FAM135A: variants seen among roughly 807,000 people sequenced by gnomAD.
FAM135A encodes family with sequence similarity 135 member A, also known as protein FAM135A.
A neutral mutation model predicts 146.8 loss-of-function variants in FAM135A; 79 were observed. The ratio of observed to expected loss-of-function variants is 0.54; its 90% CI spans 0.45 to 0.65. FAM135A has a LOEUF of 0.65. Ranked by LOEUF, FAM135A falls within the 30% of genes least tolerant of loss-of-function variation. The probability of loss-of-function intolerance (pLI) is 0.00; values close to 1 mark genes in which losing one functional copy is unlikely to be tolerated. For missense variants in FAM135A, 1,623 were observed against 1,758.2 expected (o/e 0.92, Z 1.38); for synonymous variants, 562 against 603.6 (o/e 0.93, Z 1.01).
intron 20 of FAM135A, among the ~76,000 whole-genome samples, chr6:70,550,823 TC>T (rs1181485670): frequency 6.6e-6 from 1 of 152,234 alleles, no homozygotes; most frequent in Admixed American, 6.5e-5. Context: ...GGCAATTTTT[TC>T]AACATTGAAA....
At chr6:70,542,226 TTC>T (rs769062297) in intron 20 of FAM135A, among the ~76,000 whole-genome samples, 1 of 148,462 alleles carries the variant, frequency 6.7e-6, no homozygotes, top group Non-Finnish European at 1.5e-5. Flanking sequence ...TGGTCTCTGA[TTC>T]TCTGTTTTCT....
rs558302794 is a variant in FAM135A at position 70,517,422 on chromosome 6, T to C, written c.1030-5091T>C. 4.0e-3 allele frequency among the ~76,000 whole-genome samples: 604 copies of C among 150,564 alleles called. 4 individuals are homozygous for C. The highest frequency in any genetic ancestry group is 0.014 in the African/African-American group (576 of 41,036). ...GGTGTGCACGTCTTTTTCCTTTTTT[T>C]TTTTTTTTTTTTTTAGATGGAGTTT... On this transcript the variant is annotated intron_variant, in intron 12 of 21. Coordinates refer to ENST00000418814, the MANE Select transcript of FAM135A (RefSeq NM_001162529.3).
At chr6:70,499,503 A>G (rs536517510) in intron 11 of FAM135A, among the ~76,000 whole-genome samples, 63 of 152,244 alleles carry the variant, frequency 4.1e-4, no homozygotes, top group African/African-American at 1.3e-3. Flanking sequence ...ATTGTTATCT[A>G]TTAATTTGAT....
intron 12 of FAM135A, among the ~76,000 whole-genome samples, chr6:70,521,932 T>A (rs918792112): frequency 6.6e-6 from 1 of 152,216 alleles, no homozygotes; most frequent in Non-Finnish European, 1.5e-5. Context: ...TTTGTTTTTT[T>A]GAGACAGGAG....
intron 20 of FAM135A, among the ~76,000 whole-genome samples, chr6:70,555,983 G>T (rs899574788): frequency 2.6e-5 from 4 of 152,088 alleles, no homozygotes; most frequent in Non-Finnish European, 1.5e-5. Context: ...GCCAGGCATG[G>T]TGGTTCATTC....
intron 3 of FAM135A, among the ~76,000 whole-genome samples, chr6:70,427,915 G>T (rs1436511394): frequency 6.6e-6 from 1 of 151,438 alleles, no homozygotes; most frequent in African/African-American, 2.4e-5. Context: ...ATTTTTTTTT[G>T]ACTCTGGAGT....
At chr6:70,456,966 T>C (rs116541217) in intron 5 of FAM135A, among the ~76,000 whole-genome samples, 420 of 152,310 alleles carry the variant, frequency 2.8e-3, no homozygotes, top group African/African-American at 9.4e-3. Flanking sequence ...TAGTTTAGAA[T>C]TATGACTCTG....
At chr6:70,422,748 A>G (rs1033328376) in intron 2 of FAM135A, among the ~76,000 whole-genome samples, 9 of 152,224 alleles carry the variant, frequency 5.9e-5, no homozygotes, top group Non-Finnish European at 1.3e-4. Context: ...ACAAGTAATA[A>G]TAGTTACTAT....
At chr6:70,454,299 G>A (rs1348472016) in intron 5 of FAM135A, among the ~76,000 whole-genome samples, 1 of 152,098 alleles carries the variant, frequency 6.6e-6, no homozygotes, top group African/African-American at 2.4e-5. Flanking sequence ...TGTAGATTCT[G>A]GATATTAGCC....
chr6:70,436,454 A>G (rs1271145448), intron 4 of FAM135A, among the ~76,000 whole-genome samples: 1 of 152,128 alleles, frequency 6.6e-6, no homozygotes, highest in African/African-American at 2.4e-5. Flanking sequence ...TTTCATTGTT[A>G]ATGTTAGCTG....
At chr6:70,476,568 A>G (rs540170183) in intron 7 of FAM135A, among the ~76,000 whole-genome samples, 1 of 152,018 alleles carries the variant, frequency 6.6e-6, no homozygotes, top group Non-Finnish European at 1.5e-5. Context: ...GTAGTTCATT[A>G]CCTGTAGATT....
At chr6:70,534,194 A>G (rs760086034) in intron 18 of FAM135A, among the ~76,000 whole-genome samples, 65 of 151,750 alleles carry the variant, frequency 4.3e-4, no homozygotes, top group Non-Finnish European at 8.8e-4. Context: ...ATTTTAAAAC[A>G]TTGAATTGTA....
At position 70,538,275 on chromosome 6, in the gene FAM135A, A is replaced by G. The variant is rs772465950; in HGVS notation, c.4118-16A>G. ...ATATTTCATTTCATACTTCTATATC[A>G]TATATGACTCTCTAGGTCTCTGGTT... On this transcript the variant is annotated splice_polypyrimidine_tract_variant and intron_variant, in intron 19 of 21. Transcript: ENST00000418814. 1.4e-6 allele frequency: 2 copies of G among 1,387,986 alleles called. No homozygotes were observed. Among genetic ancestry groups the G allele is most frequent in the Non-Finnish European group, 1.9e-6 (2 of 1,043,174 alleles). The allele number at this position is 1,387,986 out of a possible 1,614,324, so 86.0% of individuals were successfully genotyped here. A position where few individuals can be genotyped will look rare whatever the true frequency, so the allele number is the denominator to read the frequency against.
intron 11 of FAM135A, among the ~76,000 whole-genome samples, chr6:70,497,762 CT>C (rs1787624356): frequency 6.7e-6 from 1 of 148,348 alleles, no homozygotes; most frequent in East Asian, 2.0e-4. Context: ...AATCATGTGG[CT>C]TATGGATTAC....
intron 11 of FAM135A, among the ~76,000 whole-genome samples, chr6:70,496,399 A>T (rs1787275715): frequency 6.6e-6 from 1 of 152,146 alleles, no homozygotes; most frequent in African/African-American, 2.4e-5. Flanking sequence ...GATTCTAGAT[A>T]TTAGCCCTTT....
intron 4 of FAM135A, among the ~76,000 whole-genome samples, chr6:70,441,528 C>T (rs554746080): frequency 4.6e-5 from 7 of 152,124 alleles, no homozygotes; most frequent in Non-Finnish European, 8.8e-5. Flanking sequence ...TTAGGTGTTG[C>T]AGACTCTTGT....
At chr6:70,417,966 C>G (rs894741984) in intron 2 of FAM135A, among the ~76,000 whole-genome samples, 1 of 152,154 alleles carries the variant, frequency 6.6e-6, no homozygotes, top group Non-Finnish European at 1.5e-5. Flanking sequence ...ATTGTCTTTC[C>G]TTTGGAAGAT....
Position 70,526,199 on chromosome 6 carries a change from G to A in FAM135A, c.3115G>A (p.Val1039Met). 1 of 1,613,322 alleles carries A rather than the reference G, an allele frequency of 6.2e-7. No homozygotes were observed. ...TACTGATATAGTAAAGCAAGGGCTT[G>A]TGGAAAATTATTTTGGTTCTCAAAG... ...ASTDIVKQGLVENYFGSQSST... is the reference protein window; with the variant it reads ...ASTDIVKQGLMENYFGSQSST... The change falls in exon 15 of 22, where the codon GTG (valine) becomes ATG (methionine). Residue 1039 changes from valine to methionine, a missense_variant. Val to Met is a conservative substitution (Grantham distance 21). This residue lies in a region of FAM135A where 1,061 missense variants were observed against 1,113.8 expected (regional missense o/e 0.95). Coordinates refer to ENST00000418814, the MANE Select transcript of FAM135A (RefSeq NM_001162529.3).
At chr6:70,445,762 C>T (rs1005898324) in intron 4 of FAM135A, among the ~76,000 whole-genome samples, 29 of 152,252 alleles carry the variant, frequency 1.9e-4, no homozygotes, top group Admixed American at 1.2e-3. Context: ...CCAGCATGGG[C>T]GTTACAGCCA....
Sources: gnomAD v4.1 joint callset for allele counts (sites outside exome capture counted in the v4.1 genomes callset) on GRCh38, gnomAD v4.1.1 for gene constraint, gnomAD v4.1.1 regional missense constraint, MANE v1.5 for transcripts, NCBI Gene and HGNC (gene_info 2026-07-23, HGNC 2026-07-21) for gene names.